The following LIMK1 variants were observed in gnomAD, a reference collection of about 807,000 sequenced individuals.
LIMK1 encodes LIM domain kinase 1.
Under a neutral mutation model 77.6 loss-of-function variants are expected in LIMK1, and 21 were observed. The observed-to-expected ratio is 0.27, with a 90% CI of 0.19 to 0.39. The LOEUF is 0.39. Ranked by LOEUF, LIMK1 falls within the 10% of genes least tolerant of loss-of-function variation. LIMK1 has a pLI of 1.00. For missense variants in LIMK1, 696 were observed against 901.6 expected (o/e 0.77, Z 2.92); for synonymous variants, 358 against 370.0 (o/e 0.97, Z 0.37).
intron 2 of LIMK1, among the ~76,000 whole-genome samples, chr7:74,091,219 C>T (rs782598294): frequency 2.3e-4 from 35 of 151,906 alleles, no homozygotes; most frequent in Non-Finnish European, 4.6e-4. Context: ...CCACCGTGCC[C>T]GGCAATATTA....
In LIMK1 at chr7:74,120,922, T is replaced by A; in HGVS notation, c.1654T>A (p.Tyr552Asn). 6.2e-7 allele frequency: 1 copy of A among 1,614,086 alleles called. No individual in the cohort carries two copies. The highest frequency in any genetic ancestry group is 8.5e-7 in the Non-Finnish European group (1 of 1,179,990). Residue 552 changes from tyrosine (Y) to asparagine (N), a missense_variant, in exon 15 of 16, where the codon TAC (tyrosine) becomes AAC (asparagine). This residue lies in a region of LIMK1 where 438 missense variants were observed against 602.3 expected (regional missense o/e 0.73). Coordinates refer to ENST00000336180, the MANE Select transcript of LIMK1 (RefSeq NM_002314.4). ...CGGGCGGGTGAACGCAGACCCTGAC[T>A]ACCTGCCCCGCACCATGGACTTTGG... ...IIGRVNADPDYLPRTMDFGLN... is the reference protein window; with the variant it reads ...IIGRVNADPDNLPRTMDFGLN...
intron 4 of LIMK1, among the ~76,000 whole-genome samples, 192 bp downstream of exon 4, chr7:74,097,381 A>G (rs1162960470): frequency 6.6e-6 from 1 of 152,252 alleles, no homozygotes; most frequent in African/African-American, 2.4e-5. Flanking sequence ...GTCAGTGTGA[A>G]AAAGCCTCAG....
intron 5 of LIMK1, among the ~76,000 whole-genome samples, chr7:74,099,537 C>G (rs545064478): frequency 1.9e-4 from 29 of 152,146 alleles, no homozygotes; most frequent in Non-Finnish European, 3.5e-4. Context: ...TCGAGACCAG[C>G]CTGGGCAATG....
chr7:74,112,045 GC>G, intron 12 of LIMK1, 47 bp downstream of exon 12: 1 of 1,467,262 alleles, frequency 6.8e-7, no homozygotes, highest in Non-Finnish European at 9.4e-7. Context: ...GACAGCAGGA[GC>G]CCATCCAACC....
chr7:74,105,216 A>G (rs1554697145), intron 5 of LIMK1, among the ~76,000 whole-genome samples: 1 of 151,998 alleles, frequency 6.6e-6, no homozygotes, highest in Non-Finnish European at 1.5e-5. Context: ...GGCCTCCCCA[A>G]CTGTTGGGAT....
At chr7:74,096,502 AAAAC>A (rs1799338897) in intron 2 of LIMK1, 116 bp from the exon 3 acceptor site, 2 of 1,391,304 alleles carry the variant, frequency 1.4e-6, no homozygotes, top group Non-Finnish European at 2.0e-6. Context: ...TCCGTCTCAA[AAAAC>A]AAACAAAAAG....
At chr7:74,100,216 A>T (rs1799426987) in intron 5 of LIMK1, among the ~76,000 whole-genome samples, 1 of 152,116 alleles carries the variant, frequency 6.6e-6, no homozygotes, top group Non-Finnish European at 1.5e-5. Context: ...TAGGCTGGGC[A>T]ATGGAGCAAA....
Position 74,109,174 on chromosome 7 carries a change from C to G in LIMK1, c.1284+138C>G, listed in dbSNP as rs561517693. ...GGCCCTCTGAACCCTGATTCCTAAT[C>G]AAAAAGGGGAGCGACTGACTCCATC... On this transcript the variant is annotated intron_variant, in intron 10 of 15. Coordinates refer to ENST00000336180, the MANE Select transcript of LIMK1 (RefSeq NM_002314.4). 3 of 705,308 alleles carry G rather than the reference C, an allele frequency of 4.3e-6. No homozygotes were observed. The African/African-American group carries it at 5.3e-5, about 12-fold the overall frequency. 43.7% of individuals were successfully genotyped at this position (705,308 alleles called of 1,614,324 possible).
chr7:74,105,822 T>C, intron 5 of LIMK1, 53 bp from the exon 6 acceptor site: 1 of 1,366,842 alleles, frequency 7.3e-7, no homozygotes, highest in East Asian at 2.3e-5. Context: ...TGGTTTCCTG[T>C]TGGGGCTCTG....
chr7:74,103,069 T>C (rs1554696832), intron 5 of LIMK1, among the ~76,000 whole-genome samples: 1 of 151,842 alleles, frequency 6.6e-6, no homozygotes. Flanking sequence ...GGTTTTACCA[T>C]GTTGCCCTGG....
intron 2 of LIMK1, among the ~76,000 whole-genome samples, chr7:74,090,896 A>G (rs1799222782): frequency 6.6e-6 from 1 of 151,958 alleles, no homozygotes; most frequent in Non-Finnish European, 1.5e-5. Flanking sequence ...ACAACAACCC[A>G]GTAAGGGGGT....
At chr7:74,106,951 G>A (rs1347166885) in intron 7 of LIMK1, 59 bp from the exon 8 acceptor site, 3 of 1,456,106 alleles carry the variant, frequency 2.1e-6, no homozygotes, top group Non-Finnish European at 2.8e-6. Flanking sequence ...GAAGGGGCAG[G>A]GCCTTGGCCG....
intron 2 of LIMK1, among the ~76,000 whole-genome samples, chr7:74,091,423 G>T (rs1053491823): frequency 6.6e-6 from 1 of 152,166 alleles, no homozygotes; most frequent in Non-Finnish European, 1.5e-5. Context: ...AGGCTGAGAT[G>T]GGAGGATCAT....
At position 74,095,049 on chromosome 7, in the gene LIMK1, C is replaced by G. The variant is rs1246872300; in HGVS notation, c.153-1573C>G. On this transcript the variant is annotated intron_variant, in intron 2 of 15. Coordinates refer to ENST00000336180, the MANE Select transcript of LIMK1 (RefSeq NM_002314.4). ...TCCCACCAGCTTACTGCTGAACTCCCCTCCTCAACCCCAGTTCCCTAGTTA... is the reference window on the plus strand; with the variant it reads ...TCCCACCAGCTTACTGCTGAACTCCGCTCCTCAACCCCAGTTCCCTAGTTA... Among the ~76,000 whole-genome samples, 3 of 152,206 alleles carry G rather than the reference C, an allele frequency of 2.0e-5. No individual in the cohort carries two copies. The East Asian group carries it at 5.8e-4, about 29-fold the overall frequency.
At chr7:74,091,261 C>T (rs1260249607) in intron 2 of LIMK1, among the ~76,000 whole-genome samples, 1 of 151,862 alleles carries the variant, frequency 6.6e-6, no homozygotes, top group Non-Finnish European at 1.5e-5. Flanking sequence ...TGGTAACTCA[C>T]GCCTGTAATC....
rs1554697730 is a variant in LIMK1 at position 74,107,070 on chromosome 7, G to A, written c.942G>A (p.Gln314=). The A allele has an allele frequency of 6.2e-7, 1 of 1,608,148 alleles. No homozygotes were observed. Among genetic ancestry groups the A allele is most frequent in the Non-Finnish European group, 8.5e-7 (1 of 1,178,274 alleles). The change falls in exon 8 of 16, where the codon CAG becomes CAA. Residue 314 remains glutamine (Q), a synonymous_variant. Coordinates refer to ENST00000336180, the MANE Select transcript of LIMK1 (RefSeq NM_002314.4). ...GCTCACTGGGCTCCCCGGCCTCCCAGCGCAAGGACCTGGGTCGCTCTGAGT... is the reference window on the plus strand; with the variant it reads ...GCTCACTGGGCTCCCCGGCCTCCCAACGCAAGGACCTGGGTCGCTCTGAGT... ...GAGSLGSPAS[Q]RKDLGRSESL...
chr7:74,106,896 T>G, intron 7 of LIMK1, 114 bp from the exon 8 acceptor site: 2 of 1,042,814 alleles, frequency 1.9e-6, no homozygotes, highest in Non-Finnish European at 2.7e-6. Flanking sequence ...AAGCAGGGGG[T>G]GATTGCATAG....
rs1799152916 is a variant in LIMK1 at position 74,087,318 on chromosome 7, T to A, written c.152+1474T>A. Among the ~76,000 whole-genome samples, 4 of 152,172 alleles carry A rather than the reference T, an allele frequency of 2.6e-5. No individual in the cohort carries two copies. In the South Asian group the frequency reaches 8.3e-4, roughly 32 times the overall value. On this transcript the variant is annotated intron_variant, in intron 2 of 15. Coordinates refer to ENST00000336180, the MANE Select transcript of LIMK1 (RefSeq NM_002314.4). ...ACTCAAGAGGCTGAGGTGGCAGGGT[T>A]ACTTGAGCCTGGGAGGTGGAGGCTG...
intron 4 of LIMK1, among the ~76,000 whole-genome samples, chr7:74,097,895 G>C (rs1799368637): frequency 2.6e-5 from 4 of 152,158 alleles, no homozygotes; most frequent in Admixed American, 2.0e-4. Context: ...ACCCTGCCAA[G>C]TTTGATCGTT....
Sources: allele counts gnomAD v4.1 joint callset (sites outside exome capture counted in the v4.1 genomes callset), GRCh38; gene constraint gnomAD v4.1.1; regional missense constraint gnomAD v4.1.1; transcripts MANE v1.5; gene names NCBI Gene and HGNC (gene_info 2026-07-23, HGNC 2026-07-21).